The following FAM228B variants were observed in gnomAD, a reference collection of about 807,000 sequenced individuals.
The protein encoded by FAM228B is family with sequence similarity 228 member B, also known as protein FAM228B.
In FAM228B, 38 loss-of-function variants were observed where a neutral mutation model predicts 42.6. The observed-to-expected ratio is 0.89, with a 90% CI of 0.69 to 1.17. The LOEUF (loss-of-function observed/expected upper bound fraction) is 1.17. FAM228B is among the 50% of genes most tolerant of loss of function. The pLI, the probability that FAM228B is intolerant of heterozygous loss-of-function variation, is 0.00. For synonymous variants in FAM228B, 109 were observed against 122.3 expected, an observed-to-expected ratio of 0.89 and a Z score of 0.72; for missense variants, 344 against 367.3, an observed-to-expected ratio of 0.94 and a Z score of 0.52.
At chr2:24,139,141 A>G (rs1030451393) in intron 4 of FAM228B, among the ~76,000 whole-genome samples, 1 of 152,200 alleles carries the variant, frequency 6.6e-6, no homozygotes, top group Non-Finnish European at 1.5e-5. Context: ...GTGTTCCAAC[A>G]TTCTTTATTA....
chr2:24,083,124 C>T (rs1183502767), intron 2 of FAM228B: 3 of 1,613,332 alleles, frequency 1.9e-6, no homozygotes, highest in Non-Finnish European at 2.5e-6. Flanking sequence ...GTTGCTGGCT[C>T]CTGGAGGTGG....
intron 1 of FAM228B, chr2:24,079,325 G>C (rs574540442): frequency 1.9e-6 from 2 of 1,077,120 alleles, no homozygotes; most frequent in Admixed American, 2.6e-5. Flanking sequence ...CAGAGGGGGA[G>C]GTTTCTTCAT....
rs141057172 is a variant in FAM228B at position 24,169,091 on chromosome 2, C to T, written c.*15-265C>T. ...CTGAAAGCTGAGACCACAGGGGTTCCCTCAAATCATGTCACACATCAGTGA... is the reference window on the plus strand; with the variant it reads ...CTGAAAGCTGAGACCACAGGGGTTCTCTCAAATCATGTCACACATCAGTGA... On this transcript the variant is annotated intron_variant, in intron 10 of 10. Transcript: ENST00000615575. The surrounding 1 kb of genome is among the most constrained non-coding windows in gnomAD (Gnocchi z 4.2). Among the ~76,000 whole-genome samples, 263 of 152,248 alleles carry T rather than the reference C, an allele frequency of 1.7e-3. 3 individuals carry two copies. In the South Asian group the frequency reaches 0.03, roughly 17 times the overall value.
At chr2:24,098,516 A>C (rs1168037765) in intron 3 of FAM228B, among the ~76,000 whole-genome samples, 1 of 152,262 alleles carries the variant, frequency 6.6e-6, no homozygotes, top group Non-Finnish European at 1.5e-5. Context: ...CTTTGCAAAT[A>C]AACTAGAAAA....
Position 24,164,247 on chromosome 2 carries a change from G to A in FAM228B, c.844G>A (p.Gly282Arg), listed in dbSNP as rs1257890362. The change falls in exon 9 of 11, where the codon GGA becomes AGA. Residue 282 changes from glycine to arginine, a missense_variant. By Grantham distance (125) the Gly-to-Arg change is moderately radical. Coordinates refer to ENST00000615575, the MANE Select transcript of FAM228B (RefSeq NM_001145710.2). The part of the protein sequence containing the change: ...LEREPLCYQE[G>R]NNPSAKEAIS... ...AAGAGAACCGCTGTGCTATCAGGAG[G>A]GAAATAATCCAAGTGCCAAAGAGGC... The A allele has an allele frequency of 6.4e-7, 1 of 1,551,208 alleles. No individual in the cohort carries two copies. Among genetic ancestry groups the A allele is most frequent in the Non-Finnish European group, 8.7e-7 (1 of 1,146,770 alleles).
At chr2:24,151,220 C>G (rs1667013432) in intron 7 of FAM228B, among the ~76,000 whole-genome samples, 1 of 151,952 alleles carries the variant, frequency 6.6e-6, no homozygotes, top group African/African-American at 2.4e-5. Context: ...TTAAAAGACT[C>G]TGATGTATTC....
intron 3 of FAM228B, among the ~76,000 whole-genome samples, chr2:24,110,704 G>A (rs1193823970): frequency 1.3e-5 from 2 of 152,326 alleles, no homozygotes; most frequent in East Asian, 1.9e-4. Context: ...AATCGTAAGT[G>A]CAGTGTAGCC....
chr2:24,113,729 T>G (rs1665838853), intron 3 of FAM228B, among the ~76,000 whole-genome samples: 1 of 151,868 alleles, frequency 6.6e-6, no homozygotes, highest in Admixed American at 6.6e-5. Context: ...ATACAAAAAT[T>G]AGCTAGGTGT....
At position 24,077,831 on chromosome 2, in the gene FAM228B, C is replaced by T; in HGVS notation, c.-290+862C>T. ...ACCCTGCCCTCCTCATCCTCCTCAG[C>T]CTTCTTGCTCTCTCTGAAGCCACGT... is the stretch of plus-strand genomic sequence containing the variant. On this transcript the variant is annotated intron_variant, in intron 1 of 10. Coordinates refer to the FAM228B transcript ENST00000613899. This position sits in a 1 kb window ranked among gnomAD's most constrained non-coding sequence, Gnocchi z 5.5. The T allele has an allele frequency of 6.6e-7, 1 of 1,520,828 alleles. No homozygotes were observed. Among genetic ancestry groups the T allele is most frequent in the South Asian group, 1.3e-5 (1 of 79,830 alleles). The allele number at this position is 1,520,828 out of a possible 1,614,324, so 94.2% of individuals were successfully genotyped here.
intron 3 of FAM228B, among the ~76,000 whole-genome samples, chr2:24,106,316 C>CTTTTTTTTT (rs386389714): frequency 2.8e-5 from 3 of 106,392 alleles, no homozygotes; most frequent in Non-Finnish European, 5.5e-5. Context: ...ATTCAGCATT[C>CTTTTTTTTT]TTTTTTTTTT....
intron 7 of FAM228B, among the ~76,000 whole-genome samples, chr2:24,154,512 T>C (rs1156437171): frequency 6.6e-6 from 1 of 152,262 alleles, no homozygotes; most frequent in Non-Finnish European, 1.5e-5. Flanking sequence ...TCTCAGCCTA[T>C]GGCTTATCTT....
intron 3 of FAM228B, among the ~76,000 whole-genome samples, chr2:24,104,614 A>G (rs10196728): frequency 0.12 from 18,125 of 152,008 alleles, 1,264 homozygotes; most frequent in South Asian, 0.18. Context: ...TAGAGGGTGC[A>G]GCTTTCTGTT....
chr2:24,153,420 A>G (rs189210192), intron 7 of FAM228B, among the ~76,000 whole-genome samples: 8 of 152,302 alleles, frequency 5.3e-5, no homozygotes, highest in Non-Finnish European at 1.2e-4. Flanking sequence ...GAATCCTGCC[A>G]GGGTTGGGTC....
chr2:24,157,650 A>C (rs1667178790), intron 7 of FAM228B, among the ~76,000 whole-genome samples: 1 of 151,982 alleles, frequency 6.6e-6, no homozygotes, highest in African/African-American at 2.4e-5. Flanking sequence ...GGGCAGGAGA[A>C]TTGCTTGAAC....
chr2:24,116,106 AT>A (rs1665908926), intron 3 of FAM228B, among the ~76,000 whole-genome samples: 2 of 152,002 alleles, frequency 1.3e-5, no homozygotes, highest in South Asian at 4.1e-4. Flanking sequence ...AGGTGGGTTG[AT>A]CATGAGGTCA....
chr2:24,104,936 G>T (rs1363047751), intron 3 of FAM228B, among the ~76,000 whole-genome samples: 1 of 151,976 alleles, frequency 6.6e-6, no homozygotes, highest in Non-Finnish European at 1.5e-5. Context: ...ACCAGAGAAG[G>T]CATTCCCACC....
At chr2:24,116,436 C>T (rs948345769) in intron 3 of FAM228B, among the ~76,000 whole-genome samples, 1 of 152,226 alleles carries the variant, frequency 6.6e-6, no homozygotes, top group African/African-American at 2.4e-5. Flanking sequence ...AGTTGATCCT[C>T]CTGCCTCAGC....
At chr2:24,145,932 G>A (rs941010011) in intron 5 of FAM228B, among the ~76,000 whole-genome samples, 3 of 151,900 alleles carry the variant, frequency 2.0e-5, no homozygotes, top group Admixed American at 6.6e-5. Flanking sequence ...CTTGTCATCC[G>A]CCTGCCTCGG....
At chr2:24,142,972 A>G (rs1666791108) in intron 5 of FAM228B, among the ~76,000 whole-genome samples, 1 of 152,220 alleles carries the variant, frequency 6.6e-6, no homozygotes. Context: ...CGTGGGAAAA[A>G]GATTCATTCG....
Sources: gnomAD v4.1 joint callset for allele counts (sites outside exome capture counted in the v4.1 genomes callset) on GRCh38, gnomAD v4.1.1 for gene constraint, Gnocchi (gnomAD v3.1) non-coding constraint, MANE v1.5 for transcripts, NCBI Gene and HGNC (gene_info 2026-07-23, HGNC 2026-07-21) for gene names.